The following COG8 variants were observed in gnomAD, a reference collection of about 807,000 sequenced individuals.
COG8 encodes component of oligomeric golgi complex 8.
A neutral mutation model predicts 46.5 loss-of-function variants in COG8; 45 were observed. The observed-to-expected ratio is 0.97, with a 90% CI of 0.76 to 1.24. The LOEUF (loss-of-function observed/expected upper bound fraction) is 1.24. Among genes scored for constraint, COG8 ranks in the 50% most tolerant of loss-of-function variants. COG8 has a pLI of 0.00. For synonymous variants in COG8, 407 were observed against 347.8 expected (o/e 1.17, Z -1.90); for missense variants, 793 against 820.8 (o/e 0.97, Z 0.41).
chr16:69,332,569 C>T, intron 4 of COG8, 145 bp downstream of exon 4: 1 of 832,428 alleles, frequency 1.2e-6, no homozygotes, highest in Non-Finnish European at 2.0e-6. Context: ...TACAAACGTG[C>T]ATGAAGGATC....
At position 69,334,932 on chromosome 16, in the gene COG8, A is replaced by G; in HGVS notation, c.1002T>C (p.Leu334=). The G allele has an allele frequency of 6.2e-7, 1 of 1,614,062 alleles. No homozygotes were observed. ...SQFLQVLETD[L]YRGIGGHLDS... Reference sequence around the variant, plus strand: ...CCAGGTGGCCGCCTATGCCCCGGTAAAGGTCGGTCTCCAGCACCTGCAGGA... The same window carrying G: ...CCAGGTGGCCGCCTATGCCCCGGTAGAGGTCGGTCTCCAGCACCTGCAGGA... The change falls in exon 3 of 6, where the codon CTT becomes CTC. Residue 334 remains leucine, a synonymous_variant. Transcript: ENST00000306875.
intron 2 of COG8, among the ~76,000 whole-genome samples, chr16:69,335,868 T>G (rs2143355868): frequency 6.6e-6 from 1 of 151,148 alleles, no homozygotes; most frequent in South Asian, 2.1e-4. Context: ...GACTTCCCAC[T>G]GCAATCAAGA....
intron 5 of COG8, chr16:69,330,036 G>C (rs1373921668): frequency 6.5e-7 from 1 of 1,546,478 alleles, no homozygotes; most frequent in East Asian, 2.5e-5. Context: ...ACGCAGGCCA[G>C]GAAGCCGGCG....
At chr16:69,330,103 G>A (rs143789731) in intron 5 of COG8, 169 of 1,582,766 alleles carry the variant, frequency 1.1e-4, no homozygotes, top group Middle Eastern at 3.4e-4. Context: ...CTCGCAGGCT[G>A]GGGTTCACGA....
chr16:69,333,379 G>A, intron 3 of COG8, among the ~76,000 whole-genome samples: 1 of 152,082 alleles, frequency 6.6e-6, no homozygotes, highest in South Asian at 2.1e-4. Context: ...TGTTGCCCAG[G>A]CTGGTCTGGA....
In COG8 at chr16:69,334,606, A is replaced by G; in HGVS notation, c.1328T>C (p.Leu443Pro). 2 of 1,614,200 alleles carry G rather than the reference A, an allele frequency of 1.2e-6. No individual in the cohort carries two copies. Among genetic ancestry groups the G allele is most frequent in the Non-Finnish European group, 1.7e-6 (2 of 1,180,046 alleles). ...PPLACFLNNI[L>P]VAFNDLRLCC... ...GAGGCGCAGATCATTGAAGGCAACCAGAATATTGTTGAGAAAGCAGGCGAG... is the reference window on the plus strand; with the variant it reads ...GAGGCGCAGATCATTGAAGGCAACCGGAATATTGTTGAGAAAGCAGGCGAG... The change falls in exon 3 of 6, where the codon CTG becomes CCG. Residue 443 changes from leucine (L) to proline (P), a missense_variant. Coordinates refer to ENST00000306875, the MANE Select transcript of COG8 (RefSeq NM_032382.5).
At chr16:69,331,502 GC>G (rs1378457037) in intron 4 of COG8, among the ~76,000 whole-genome samples, 1 of 142,120 alleles carries the variant, frequency 7.0e-6, no homozygotes, top group Admixed American at 7.0e-5. Flanking sequence ...AAAAAAACGA[GC>G]CATTACTATT....
chr16:69,331,564 G>T (rs1371139012), intron 4 of COG8, among the ~76,000 whole-genome samples: 1 of 151,032 alleles, frequency 6.6e-6, no homozygotes, highest in Admixed American at 6.6e-5. Flanking sequence ...GTGCAGTGGC[G>T]TGATTGCTGC....
chr16:69,336,838 T>G, intron 1 of COG8, 126 bp from the exon 2 acceptor site: 2 of 850,342 alleles, frequency 2.4e-6, no homozygotes, highest in South Asian at 2.9e-5. Context: ...ACACCCCACC[T>G]ATAAGGTAAG....
chr16:69,335,522 T>C (rs2012158998), intron 2 of COG8, among the ~76,000 whole-genome samples, 174 bp from the exon 3 acceptor site: 1 of 152,158 alleles, frequency 6.6e-6, no homozygotes, highest in African/African-American at 2.4e-5. Context: ...GTTAACTCTC[T>C]TGCTTAAAAA....
Position 69,328,865 on chromosome 16 carries a change from T to G in COG8, c.*341A>C, listed in dbSNP as rs1965686220. 1.0e-6 allele frequency: 1 copy of G among 981,582 alleles called. No homozygotes were observed. Among genetic ancestry groups the G allele is most frequent in the African/African-American group, 1.7e-5 (1 of 60,082 alleles). 60.8% of individuals were successfully genotyped at this position (981,582 alleles called of 1,614,324 possible). The stretch of plus-strand genomic sequence containing the variant: ...CGTAACTGATTTCAGGGCAAACATT[T>G]CTGACATCTTCCTCCAGCTCAGTCT... On this transcript the variant is annotated 3_prime_UTR_variant, in exon 6 of 6. Coordinates refer to ENST00000306875, the MANE Select transcript of COG8 (RefSeq NM_032382.5).
chr16:69,331,453 CAAAAAAAAAAAAAA>C (rs1185929938), intron 4 of COG8, among the ~76,000 whole-genome samples: 15 of 61,242 alleles, frequency 2.4e-4, no homozygotes, highest in Non-Finnish European at 3.0e-4. Context: ...AACTCCGTCT[CAAAAAAAAAAAAAA>C]AAAAAAAAAA....
chr16:69,334,509 G>T lies in COG8; in HGVS notation c.1413+12C>A. ...GGCCCAGGGTAGCAGAAAACCAACA[G>T]AATGTGCTCACCTTGGCAAGGGCAT... On this transcript the variant is annotated intron_variant, in intron 3 of 5. Coordinates refer to ENST00000306875, the MANE Select transcript of COG8 (RefSeq NM_032382.5). 4 of 1,612,080 alleles carry T rather than the reference G, an allele frequency of 2.5e-6. No homozygotes were observed. The highest frequency in any genetic ancestry group is 3.4e-6 in the Non-Finnish European group (4 of 1,178,338).
At position 69,331,089 on chromosome 16, in the gene COG8, G is replaced by A. The variant is rs114861924; in HGVS notation, c.1589C>T (p.Pro530Leu). The A allele has an allele frequency of 1.6e-3, 2,608 of 1,613,924 alleles. 36 individuals carry two copies. The African/African-American group carries it at 0.03, about 18-fold the overall frequency. The change falls in exon 5 of 6, where the codon CCT becomes CTT. Residue 530 changes from proline (P) to leucine (L), a missense_variant. By Grantham distance (98) the Pro-to-Leu change is moderately conservative. Transcript: ENST00000306875. ...ACCGTACTTGGAGAGCTGAGTGGGA[G>A]GAATGCCTAACCCAGACGTGGGGAA... The part of the protein sequence containing the change: ...PAQIAQTLGI[P>L]PTQLSKYGNL...
rs1965643945 is a variant in COG8 at position 69,327,719 on chromosome 16, A to G, written c.*1487T>C. 1 of 152,142 alleles carries G rather than the reference A, an allele frequency of 6.6e-6. No homozygotes were observed. The highest frequency in any genetic ancestry group is 1.5e-5 in the Non-Finnish European group (1 of 68,046). The allele number at this position is 152,142 out of a possible 1,614,324, so 9.4% of individuals were successfully genotyped here. A position where few individuals can be genotyped will look rare whatever the true frequency, so the allele number is the denominator to read the frequency against. On this transcript the variant is annotated 3_prime_UTR_variant, in exon 6 of 6. Coordinates refer to ENST00000306875, the MANE Select transcript of COG8 (RefSeq NM_032382.5). Reference sequence around the variant, plus strand: ...AAAAATGAGGTGAAACAGTTTAACTAAAACTGGAGTTTGGCTGGGTAGTGT... The same window carrying G: ...AAAAATGAGGTGAAACAGTTTAACTGAAACTGGAGTTTGGCTGGGTAGTGT...
At position 69,330,536 on chromosome 16, in the gene COG8, G is replaced by C. The variant is rs960880193; in HGVS notation, c.*26+277C>G. On this transcript the variant is annotated intron_variant, in intron 5 of 5. Coordinates refer to ENST00000306875, the MANE Select transcript of COG8 (RefSeq NM_032382.5). ...GCCCCACGGCACGGCCGCCCACAGTGGCCAAAGACTCAGCGCGCCCCACAG... is the reference window on the plus strand; with the variant it reads ...GCCCCACGGCACGGCCGCCCACAGTCGCCAAAGACTCAGCGCGCCCCACAG... The C allele has an allele frequency of 1.6e-4, 230 of 1,478,410 alleles. No homozygotes were observed. The highest frequency in any genetic ancestry group is 1.9e-4 in the Non-Finnish European group (219 of 1,123,564). The allele number at this position is 1,478,410 out of a possible 1,614,324, so 91.6% of individuals were successfully genotyped here.
chr16:69,327,766 C>A lies in COG8; in HGVS notation c.*1440G>T, dbSNP rs190388086. 6.6e-6 allele frequency: 1 copy of A among 151,812 alleles called. No homozygotes were observed. The highest frequency in any genetic ancestry group is 1.5e-5 in the Non-Finnish European group (1 of 67,998). 9.4% of individuals were successfully genotyped at this position (151,812 alleles called of 1,614,324 possible). On this transcript the variant is annotated 3_prime_UTR_variant, in exon 6 of 6. Transcript: ENST00000306875. Reference sequence around the variant, plus strand: ...GTGTGGCTCACAACTGATCCCAGCACTTTGGGAGGCCGAGGCAGGAGGATT... The same window carrying A: ...GTGTGGCTCACAACTGATCCCAGCAATTTGGGAGGCCGAGGCAGGAGGATT...
At chr16:69,330,647 G>A (rs1339313181) in intron 5 of COG8, 166 bp downstream of exon 5, 7 of 1,409,156 alleles carry the variant, frequency 5.0e-6, no homozygotes, top group Non-Finnish European at 5.5e-6. Context: ...CCGTCGGCCA[G>A]CACACAGCGA....
rs1278306412 is a variant in COG8, at chr16:69,328,857, CA to C, written c.*348del. The C allele has an allele frequency of 5.4e-6, 5 of 928,668 alleles. No individual in the cohort carries two copies. In the African/African-American group the frequency reaches 8.5e-5, roughly 16 times the overall value. The allele number at this position is 928,668 out of a possible 1,614,324, so 57.5% of individuals were successfully genotyped here. The stretch of plus-strand genomic sequence containing the variant: ...ATTTTGTCCGTAACTGATTTCAGGG[CA>C]AACATTTCTGACATCTTCCTCCAGC... On this transcript the variant is annotated 3_prime_UTR_variant, in exon 6 of 6. Coordinates refer to ENST00000306875, the MANE Select transcript of COG8 (RefSeq NM_032382.5).
Sources: gnomAD v4.1 joint callset for allele counts (sites outside exome capture counted in the v4.1 genomes callset) on GRCh38, gnomAD v4.1.1 for gene constraint, MANE v1.5 for transcripts, NCBI Gene and HGNC (gene_info 2026-07-23, HGNC 2026-07-21) for gene names.